ABAT: variants seen among roughly 807,000 people sequenced by gnomAD.
ABAT encodes 4-aminobutyrate aminotransferase.
ABAT carries 45 observed loss-of-function variants against 64.6 expected under a neutral mutation model. The observed-to-expected ratio is 0.70, with a 90% CI of 0.55 to 0.89. The LOEUF (loss-of-function observed/expected upper bound fraction) is 0.89, where lower values mean the gene tolerates loss of function less well. Among genes scored for constraint, ABAT ranks in the 40% least tolerant of loss-of-function variants. The probability of loss-of-function intolerance (pLI) is 0.00; values close to 1 mark genes in which losing one functional copy is unlikely to be tolerated. For missense variants in ABAT, 633 were observed against 658.4 expected, an observed-to-expected ratio of 0.96 and a Z score of 0.42; for synonymous variants, 297 against 250.5, an observed-to-expected ratio of 1.19 and a Z score of -1.75.
intron 6 of ABAT, among the ~76,000 whole-genome samples, chr16:8,763,732 A>G (rs939545834): frequency 1.6e-4 from 24 of 152,214 alleles, no homozygotes; most frequent in African/African-American, 5.5e-4. Flanking sequence ...ATGGTTAAAT[A>G]TATAAAGAAA....
intron 1 of ABAT, among the ~76,000 whole-genome samples, chr16:8,718,698 G>A (rs1293087447): frequency 7.9e-5 from 12 of 152,184 alleles, no homozygotes; most frequent in Admixed American, 3.9e-4. Flanking sequence ...AGGGGGCAGG[G>A]TTTTAGAGAA....
chr16:8,711,819 G>GAAAA (rs1378031225), intron 1 of ABAT, among the ~76,000 whole-genome samples: 2 of 150,004 alleles, frequency 1.3e-5, no homozygotes, highest in Non-Finnish European at 3.0e-5. Flanking sequence ...TGGATGGATG[G>GAAAA]ATGGATGGAA....
At chr16:8,716,780 C>T (rs1426567881) in intron 1 of ABAT, among the ~76,000 whole-genome samples, 1 of 152,200 alleles carries the variant, frequency 6.6e-6, no homozygotes, top group Admixed American at 6.5e-5. Context: ...CGTGGCATTT[C>T]AGCAGGTCAG....
intron 5 of ABAT, among the ~76,000 whole-genome samples, chr16:8,752,565 T>C (rs964604893): frequency 1.3e-5 from 2 of 152,134 alleles, no homozygotes; most frequent in Non-Finnish European, 2.9e-5. Flanking sequence ...TTAAGACCAA[T>C]CTGGGCATTA....
At chr16:8,733,520 G>C (rs377719901) in intron 1 of ABAT, among the ~76,000 whole-genome samples, 2 of 151,890 alleles carry the variant, frequency 1.3e-5, no homozygotes, top group Admixed American at 6.5e-5. Flanking sequence ...AGATCACGCC[G>C]CTGCACTCCA....
At chr16:8,688,475 A>G (rs1291451889) in intron 1 of ABAT, among the ~76,000 whole-genome samples, 1 of 152,000 alleles carries the variant, frequency 6.6e-6, no homozygotes, top group Non-Finnish European at 1.5e-5. Flanking sequence ...GTCTGTATAG[A>G]CTTACTCTGT....
At chr16:8,749,146 G>A (rs1486682187) in intron 4 of ABAT, among the ~76,000 whole-genome samples, 1 of 150,506 alleles carries the variant, frequency 6.6e-6, no homozygotes, top group Non-Finnish European at 1.5e-5. Flanking sequence ...AGAGTGCAGT[G>A]GCGCAATCTC....
At chr16:8,737,430 C>G (rs981469932) in intron 2 of ABAT, 2 of 151,786 alleles carry the variant, frequency 1.3e-5, no homozygotes, top group Non-Finnish European at 2.9e-5. Flanking sequence ...TGAGCTGGAT[C>G]GTGCCACTGT....
intron 1 of ABAT, chr16:8,722,750 C>A: frequency 1.7e-6 from 2 of 1,209,952 alleles, no homozygotes; most frequent in South Asian, 2.6e-5. Context: ...GAATCCTTCA[C>A]CTGCTTCTTT....
intron 5 of ABAT, among the ~76,000 whole-genome samples, chr16:8,752,945 C>T (rs565944989): frequency 9.2e-5 from 14 of 152,272 alleles, no homozygotes; most frequent in African/African-American, 3.4e-4. Context: ...ATGGCTACAG[C>T]CACCTTGGAG....
intron 1 of ABAT, chr16:8,714,687 T>TA: frequency 6.6e-6 from 1 of 152,542 alleles, no homozygotes. Flanking sequence ...GGGGGTCCTC[T>TA]GTGCTTTGCA....
At chr16:8,735,988 AT>A in intron 2 of ABAT, 179 bp downstream of exon 2, 1 of 612,590 alleles carries the variant, frequency 1.6e-6, no homozygotes, top group Non-Finnish European at 2.9e-6. Context: ...GAGACTGGGT[AT>A]TTTATGAAGA....
At chr16:8,690,593 C>T (rs951603929) in intron 1 of ABAT, among the ~76,000 whole-genome samples, 13 of 152,250 alleles carry the variant, frequency 8.5e-5, no homozygotes, top group African/African-American at 3.1e-4. Flanking sequence ...GAGATGTTTC[C>T]AATCTGTGCC....
intron 1 of ABAT, among the ~76,000 whole-genome samples, chr16:8,734,209 T>C (rs1596438999): frequency 1.3e-5 from 2 of 152,216 alleles, no homozygotes; most frequent in Non-Finnish European, 2.9e-5. Context: ...ATCATGCTCC[T>C]AGCACCTTTC....
chr16:8,737,595 C>T (rs1478064792), intron 2 of ABAT: 1 of 151,932 alleles, frequency 6.6e-6, no homozygotes, highest in Non-Finnish European at 1.5e-5. Context: ...CCCTTGTTAA[C>T]ATCTTACATC....
intron 1 of ABAT, among the ~76,000 whole-genome samples, chr16:8,707,919 T>G (rs779670703): frequency 3.9e-5 from 6 of 152,136 alleles, no homozygotes; most frequent in Non-Finnish European, 8.8e-5. Flanking sequence ...GAACCAGTCA[T>G]GAAACTCATG....
At chr16:8,763,274 G>T (rs1017140961) in intron 6 of ABAT, among the ~76,000 whole-genome samples, 4 of 152,040 alleles carry the variant, frequency 2.6e-5, no homozygotes, top group Non-Finnish European at 5.9e-5. Flanking sequence ...GTGTGACTTG[G>T]GGCAAGTTGC....
intron 1 of ABAT, chr16:8,722,801 G>T: frequency 4.7e-6 from 6 of 1,289,036 alleles, no homozygotes; most frequent in Non-Finnish European, 6.1e-6. Flanking sequence ...ATTGCAAAGG[G>T]CCTGGTAGAA....
At chr16:8,742,913 G>C (rs912019448) in intron 2 of ABAT, among the ~76,000 whole-genome samples, 36 of 144,080 alleles carry the variant, frequency 2.5e-4, no homozygotes, top group Admixed American at 2.5e-3. Context: ...TTGTGTGCCT[G>C]TAGTCCTAGC....
Sources: gnomAD v4.1 joint callset for allele counts (sites outside exome capture counted in the v4.1 genomes callset) on GRCh38, gnomAD v4.1.1 for gene constraint, MANE v1.5 for transcripts, NCBI Gene and HGNC (gene_info 2026-07-23, HGNC 2026-07-21) for gene names.